LRRC37A2: variants seen among roughly 807,000 people sequenced by gnomAD.
LRRC37A2 encodes the protein leucine rich repeat containing 37 member A2.
In LRRC37A2, 9 loss-of-function variants were observed where a neutral mutation model predicts 68.8. The observed-to-expected ratio is 0.13, with a 90% CI of 0.08 to 0.23. The LOEUF (loss-of-function observed/expected upper bound fraction) is 0.23. Ranked by LOEUF, LRRC37A2 falls within the 10% of genes least tolerant of loss-of-function variation. The pLI, the probability that LRRC37A2 is intolerant of heterozygous loss-of-function variation, is 1.00. For synonymous variants in LRRC37A2, 63 were observed against 367.6 expected (o/e 0.17, Z 9.48); for missense variants, 168 against 950.4 (o/e 0.18, Z 10.82).
Position 46,532,825 on chromosome 17 carries a change from G to A in LRRC37A2, c.2907-7351G>A, listed in dbSNP as rs527701432. On this transcript the variant is annotated intron_variant, in intron 6 of 14. Coordinates refer to ENST00000576629, the Ensembl canonical transcript of LRRC37A2. ...TAATTTGGTCTTCTGTATTTTTGCAGTGCAGTGGCTCACACCTGTCATCCT... is the reference window on the plus strand; with the variant it reads ...TAATTTGGTCTTCTGTATTTTTGCAATGCAGTGGCTCACACCTGTCATCCT... 4.0e-5 allele frequency among the ~76,000 whole-genome samples: 6 copies of A among 149,714 alleles called. 1 individual carries two copies. Among genetic ancestry groups the A allele is most frequent in the African/African-American group, 1.3e-4 (5 of 39,486 alleles).
At chr17:46,895,233 G>GCT in the LRRC37A2 span, among the ~76,000 whole-genome samples, 2 of 152,254 alleles carry the variant, frequency 1.3e-5, no homozygotes, top group Non-Finnish European at 2.9e-5. Context: ...TGCGGAGGCT[G>GCT]CTAGCTGGGA....
chr17:46,900,325 A>G, the LRRC37A2 span, among the ~76,000 whole-genome samples: 2 of 151,098 alleles, frequency 1.3e-5, no homozygotes, highest in Non-Finnish European at 1.5e-5. Flanking sequence ...ATCTTGGCTC[A>G]CTGCAGCCTC....
chr17:46,708,562 G>T, the LRRC37A2 span, among the ~76,000 whole-genome samples: 2 of 146,532 alleles, frequency 1.4e-5, no homozygotes, highest in Non-Finnish European at 3.0e-5. Flanking sequence ...CACAATCTCG[G>T]CTCACTGCAA....
chr17:47,034,115 G>A, the LRRC37A2 span, among the ~76,000 whole-genome samples: 4 of 152,218 alleles, frequency 2.6e-5, no homozygotes, highest in Admixed American at 6.5e-5. Flanking sequence ...CAGGCAGATC[G>A]CTTGAGCCCC....
the LRRC37A2 span, among the ~76,000 whole-genome samples, chr17:47,048,882 G>A: frequency 1.0e-5 from 1 of 99,088 alleles, no homozygotes; most frequent in Non-Finnish European, 2.1e-5. Flanking sequence ...CAGCTCATCA[G>A]GGAAGCACTT....
At chr17:47,009,696 C>A in the LRRC37A2 span, among the ~76,000 whole-genome samples, 2 of 152,204 alleles carry the variant, frequency 1.3e-5, no homozygotes, top group African/African-American at 4.8e-5. Flanking sequence ...TCAGCCTCCG[C>A]CCCCACGCCC....
the LRRC37A2 span, chr17:46,923,170 C>A: frequency 6.5e-4 from 967 of 1,484,970 alleles, no homozygotes; most frequent in Non-Finnish European, 8.3e-4. Flanking sequence ...AGAGCCGGAG[C>A]CGTGGCCTGC....
the LRRC37A2 span, chr17:46,940,835 C>T: frequency 6.9e-7 from 1 of 1,457,990 alleles, no homozygotes; most frequent in African/African-American, 1.4e-5. Context: ...GGACAGCAGC[C>T]AGTGTGTCTG....
the LRRC37A2 span, among the ~76,000 whole-genome samples, chr17:46,774,347 GAC>G: frequency 7.9e-5 from 12 of 152,196 alleles, no homozygotes; most frequent in Admixed American, 2.6e-4. Context: ...TGACTCATGG[GAC>G]ACGCGCGCGC....
the LRRC37A2 span, among the ~76,000 whole-genome samples, chr17:46,944,392 G>C: frequency 1.3e-5 from 2 of 152,144 alleles, no homozygotes; most frequent in Non-Finnish European, 2.9e-5. Flanking sequence ...TAAGAATGGG[G>C]GTAACACCTG....
chr17:46,973,006 T>C, the LRRC37A2 span: 1 of 152,994 alleles, frequency 6.5e-6, no homozygotes, highest in Admixed American at 6.6e-5. Flanking sequence ...GGTGGGAAAG[T>C]GTCAAATAAA....
chr17:46,804,836 G>A, the LRRC37A2 span, among the ~76,000 whole-genome samples: 1 of 152,122 alleles, frequency 6.6e-6, no homozygotes, highest in African/African-American at 2.4e-5. Context: ...TTGTAAAATG[G>A]ACCAATCAGC....
the LRRC37A2 span, among the ~76,000 whole-genome samples, chr17:46,685,369 G>C: frequency 1.3e-5 from 2 of 151,154 alleles, no homozygotes; most frequent in African/African-American, 4.9e-5. Context: ...ATCCAGAAAT[G>C]GCTTGATGTA....
At chr17:46,932,008 C>T in the LRRC37A2 span, 2 of 1,517,922 alleles carry the variant, frequency 1.3e-6, no homozygotes, top group Non-Finnish European at 9.1e-7. Context: ...AAGCCTGGCC[C>T]CCTCAGATTC....
chr17:46,385,214 C>G, the LRRC37A2 span, among the ~76,000 whole-genome samples: 6 of 94,012 alleles, frequency 6.4e-5, 3 homozygotes, highest in Non-Finnish European at 1.4e-4. Flanking sequence ...GCAGACAGTT[C>G]CCATTGCTGA....
At chr17:46,889,538 C>T in the LRRC37A2 span, among the ~76,000 whole-genome samples, 1 of 152,212 alleles carries the variant, frequency 6.6e-6, no homozygotes, top group African/African-American at 2.4e-5. Flanking sequence ...CTAAATGGAC[C>T]TCTGAGTCCT....
At chr17:46,908,387 T>C in the LRRC37A2 span, among the ~76,000 whole-genome samples, 1 of 152,152 alleles carries the variant, frequency 6.6e-6, no homozygotes, top group Non-Finnish European at 1.5e-5. Flanking sequence ...ATGATCGCCA[T>C]TAATGCAGCT....
chr17:47,015,998 G>A, the LRRC37A2 span, among the ~76,000 whole-genome samples: 5 of 152,110 alleles, frequency 3.3e-5, no homozygotes, highest in African/African-American at 1.2e-4. Flanking sequence ...AGGCTGAAGT[G>A]CAATGTTGCG....
At chr17:46,987,860 T>C in the LRRC37A2 span, among the ~76,000 whole-genome samples, 1 of 152,216 alleles carries the variant, frequency 6.6e-6, no homozygotes, top group Admixed American at 6.5e-5. Flanking sequence ...ACTTTAATAA[T>C]GTGGATGAAC....
Sources: gnomAD v4.1 joint callset for allele counts (sites outside exome capture counted in the v4.1 genomes callset) on GRCh38, gnomAD v4.1.1 for gene constraint, MANE v1.5 for transcripts, NCBI Gene and HGNC (gene_info 2026-07-23, HGNC 2026-07-21) for gene names.